CEP83: variants seen among roughly 807,000 people sequenced by gnomAD.
CEP83 encodes centrosomal protein 83.
Under a neutral mutation model 101.9 loss-of-function variants are expected in CEP83, and 70 were observed. That is an observed-to-expected ratio of 0.69 (90% CI 0.57 to 0.84). The LOEUF is 0.84. Among genes scored for constraint, CEP83 ranks in the 40% least tolerant of loss-of-function variants. The probability of loss-of-function intolerance (pLI) is 0.00; values close to 1 mark genes in which losing one functional copy is unlikely to be tolerated. For synonymous variants in CEP83, 264 were observed against 267.9 expected (o/e 0.99, Z 0.14); for missense variants, 715 against 787.2 (o/e 0.91, Z 1.10).
In CEP83 at chr12:94,335,508, A is replaced by C. The variant is rs1593225173; in HGVS notation, c.1419+81T>G. 3.4e-6 allele frequency: 3 copies of C among 883,532 alleles called. No homozygotes were observed. The East Asian group carries it at 8.0e-5, about 24-fold the overall frequency. The allele number at this position is 883,532 out of a possible 1,614,324, so 54.7% of individuals were successfully genotyped here. On this transcript the variant is annotated intron_variant, in intron 12 of 16. Transcript: ENST00000397809. Reference sequence around the variant, plus strand: ...GTTAGATTCTAAAAATACTGATGGCAAAATTTTTTTAAAATTTGCAAAACA... The same window carrying C: ...GTTAGATTCTAAAAATACTGATGGCCAAATTTTTTTAAAATTTGCAAAACA...
intron 14 of CEP83, 93 bp downstream of exon 14, chr12:94,331,607 C>T (rs1387451372): frequency 3.8e-6 from 4 of 1,054,300 alleles, no homozygotes; most frequent in African/African-American, 3.1e-5. Context: ...CTCCTGACCT[C>T]GTGATCCACC....
At chr12:94,291,134 A>T in the CEP83 span, among the ~76,000 whole-genome samples, 4 of 152,248 alleles carry the variant, frequency 2.6e-5, no homozygotes, top group Admixed American at 2.6e-4. Flanking sequence ...AAAAGGTCTT[A>T]GGTGAGAACG....
chr12:94,338,760 T>A (rs541137410), intron 11 of CEP83, among the ~76,000 whole-genome samples: 101 of 152,190 alleles, frequency 6.6e-4, no homozygotes, highest in African/African-American at 2.3e-3. Flanking sequence ...GAAGTAATTA[T>A]GAAGGCAGAA....
At chr12:94,458,313 G>A (rs530612216) in intron 1 of CEP83, among the ~76,000 whole-genome samples, 36 of 152,162 alleles carry the variant, frequency 2.4e-4, no homozygotes, top group East Asian at 1.7e-3. Context: ...AATACAGTCC[G>A]CGCACTTCAT....
the CEP83 span, among the ~76,000 whole-genome samples, chr12:94,272,796 G>A: frequency 2.0e-5 from 3 of 152,344 alleles, no homozygotes; most frequent in East Asian, 3.9e-4. Context: ...GTCCTTGGGT[G>A]GCACCGGAGG....
intron 13 of CEP83, 132 bp from the exon 14 acceptor site, chr12:94,331,961 T>C (rs2059244399): frequency 9.8e-6 from 7 of 713,358 alleles, no homozygotes; most frequent in African/African-American, 1.8e-5. Flanking sequence ...GGCCCTCCTG[T>C]ATGGCCACTT....
chr12:94,435,871 A>G (rs955038513), intron 1 of CEP83, among the ~76,000 whole-genome samples: 1 of 152,156 alleles, frequency 6.6e-6, no homozygotes, highest in Non-Finnish European at 1.5e-5. Flanking sequence ...GCTGGTATCC[A>G]CAGCTGGGAG....
chr12:94,359,299 G>A (rs942776643), intron 11 of CEP83, among the ~76,000 whole-genome samples: 2 of 151,966 alleles, frequency 1.3e-5, no homozygotes, highest in African/African-American at 4.8e-5. Flanking sequence ...CAACTGAGCT[G>A]GTCTCGGCAA....
At chr12:94,287,236 G>A in the CEP83 span, among the ~76,000 whole-genome samples, 1 of 152,240 alleles carries the variant, frequency 6.6e-6, no homozygotes, top group Non-Finnish European at 1.5e-5. Context: ...AGCCAGAGGA[G>A]TCTTTCTCCC....
At position 94,454,793 on chromosome 12, in the gene CEP83, C is replaced by T. The variant is rs547947130; in HGVS notation, c.-155+4764G>A. 1.3e-4 allele frequency among the ~76,000 whole-genome samples: 19 copies of T among 150,956 alleles called. No individual in the cohort carries two copies. In the South Asian group the frequency reaches 3.4e-3, roughly 27 times the overall value. On this transcript the variant is annotated intron_variant, in intron 1 of 16. Coordinates refer to ENST00000397809, the MANE Select transcript of CEP83 (RefSeq NM_016122.3). ...ACCCACCGGGAGGAATGAACAATGC[C>T]GGACGCGCCACCTTTAAGAGCTGTA...
chr12:94,333,065 A>AC (rs1555221584), intron 13 of CEP83, among the ~76,000 whole-genome samples: 2 of 150,530 alleles, frequency 1.3e-5, no homozygotes, highest in Non-Finnish European at 3.0e-5. Context: ...AAAAAAAAAA[A>AC]CAAATAAATT....
chr12:94,318,469 G>A (rs1323749191), intron 14 of CEP83, among the ~76,000 whole-genome samples: 2 of 152,144 alleles, frequency 1.3e-5, no homozygotes, highest in Admixed American at 6.5e-5. Context: ...GGAGTGGTGA[G>A]AGAGGGTATA....
intron 6 of CEP83, among the ~76,000 whole-genome samples, chr12:94,392,166 C>T (rs531485577): frequency 1.3e-5 from 2 of 152,216 alleles, no homozygotes; most frequent in Non-Finnish European, 2.9e-5. Context: ...GAACTGTCCA[C>T]CCCACATCAA....
chr12:94,315,104 GTA>G (rs1970460052), intron 14 of CEP83, among the ~76,000 whole-genome samples: 1 of 152,096 alleles, frequency 6.6e-6, no homozygotes, highest in South Asian at 2.1e-4. Flanking sequence ...ATTCTCTTCA[GTA>G]TATACCTATG....
At chr12:94,432,098 A>C (rs1013786275) in intron 2 of CEP83, among the ~76,000 whole-genome samples, 1 of 150,548 alleles carries the variant, frequency 6.6e-6, no homozygotes, top group African/African-American at 2.5e-5. Context: ...TCTGTAGCCC[A>C]GGCTGGAGTG....
intron 1 of CEP83, among the ~76,000 whole-genome samples, chr12:94,450,015 T>C (rs1335369067): frequency 1.3e-5 from 2 of 152,142 alleles, no homozygotes; most frequent in African/African-American, 4.8e-5. Context: ...CTTAACCTTC[T>C]TCAAAGGGCA....
At chr12:94,397,748 T>C (rs1346368940) in intron 6 of CEP83, among the ~76,000 whole-genome samples, 2 of 152,222 alleles carry the variant, frequency 1.3e-5, no homozygotes, top group East Asian at 3.8e-4. Flanking sequence ...CCTTAGGGTT[T>C]TCTCTTCAAT....
At chr12:94,425,633 T>C (rs2065137301) in intron 2 of CEP83, among the ~76,000 whole-genome samples, 1 of 152,152 alleles carries the variant, frequency 6.6e-6, no homozygotes, top group South Asian at 2.1e-4. Flanking sequence ...ATTGTAGCCC[T>C]TCTAGGAGGC....
At chr12:94,424,303 T>C in intron 2 of CEP83, 1 of 1,614,196 alleles carries the variant, frequency 6.2e-7, no homozygotes, top group East Asian at 2.2e-5. Flanking sequence ...GTCGTTTCTT[T>C]GGCCCGCCAT....
Sources: allele counts gnomAD v4.1 joint callset (sites outside exome capture counted in the v4.1 genomes callset), GRCh38; gene constraint gnomAD v4.1.1; transcripts MANE v1.5; gene names NCBI Gene and HGNC (gene_info 2026-07-23, HGNC 2026-07-21).